SCNN1B: variants seen among roughly 807,000 people sequenced by gnomAD.
The protein encoded by SCNN1B is epithelial sodium channel subunit beta.
In SCNN1B, 46 loss-of-function variants were observed where a neutral mutation model predicts 65.3. The observed-to-expected ratio is 0.70, with a 90% CI of 0.56 to 0.90. The LOEUF (loss-of-function observed/expected upper bound fraction) is 0.90. Among genes scored for constraint, SCNN1B ranks in the 40% least tolerant of loss-of-function variants. The probability of loss-of-function intolerance (pLI) is 0.00; values close to 1 mark genes in which losing one functional copy is unlikely to be tolerated. For synonymous variants in SCNN1B, 349 were observed against 330.6 expected, an observed-to-expected ratio of 1.06 and a Z score of -0.60; for missense variants, 751 against 830.5, an observed-to-expected ratio of 0.90 and a Z score of 1.18.
At chr16:23,318,470 G>T (rs984564208) in intron 1 of SCNN1B, among the ~76,000 whole-genome samples, 1 of 152,132 alleles carries the variant, frequency 6.6e-6, no homozygotes, top group Admixed American at 6.6e-5. Context: ...TTAGCCGGAC[G>T]TGGTGGCGGA....
chr16:23,305,935 A>T (rs1961208275), intron 1 of SCNN1B, among the ~76,000 whole-genome samples: 1 of 151,976 alleles, frequency 6.6e-6, no homozygotes, highest in African/African-American at 2.4e-5. Context: ...TCTCCCAGCT[A>T]TGCAGTGGAT....
At chr16:23,341,872 C>T (rs1005912507) in intron 1 of SCNN1B, among the ~76,000 whole-genome samples, 6 of 152,178 alleles carry the variant, frequency 3.9e-5, no homozygotes, top group Admixed American at 1.3e-4. Context: ...TCTCACACAC[C>T]GGGTGAAATT....
At chr16:23,303,572 C>T (rs1448203303) in intron 1 of SCNN1B, among the ~76,000 whole-genome samples, 3 of 152,048 alleles carry the variant, frequency 2.0e-5, no homozygotes, top group Admixed American at 2.0e-4. Flanking sequence ...ACCCTTTCCC[C>T]CACCTACACA....
chr16:23,377,311 C>T lies in SCNN1B; in HGVS notation c.1347-18C>T. Reference sequence around the variant, plus strand: ...CATCACTGGCAGGGACCACAACAGGCCTGGCCTTCTCTTTCAGTGACACCC... The same window carrying T: ...CATCACTGGCAGGGACCACAACAGGTCTGGCCTTCTCTTTCAGTGACACCC... On this transcript the variant is annotated intron_variant, in intron 9 of 12. Coordinates refer to ENST00000343070, the MANE Select transcript of SCNN1B (RefSeq NM_000336.3). 6.2e-7 allele frequency: 1 copy of T among 1,614,170 alleles called. No homozygotes were observed. The highest frequency in any genetic ancestry group is 8.5e-7 in the Non-Finnish European group (1 of 1,180,016).
intron 7 of SCNN1B, among the ~76,000 whole-genome samples, chr16:23,374,480 A>G (rs1168482745): frequency 1.4e-5 from 2 of 144,658 alleles, no homozygotes; most frequent in African/African-American, 2.5e-5. Context: ...AGGCTAAGGC[A>G]GGAGAATCAC....
At chr16:23,326,673 G>A (rs1438069056) in intron 1 of SCNN1B, among the ~76,000 whole-genome samples, 1 of 151,912 alleles carries the variant, frequency 6.6e-6, no homozygotes, top group Non-Finnish European at 1.5e-5. Context: ...TCATCATGTT[G>A]GCCAGCCTGG....
At chr16:23,374,573 CAA>C (rs1168924579) in intron 7 of SCNN1B, among the ~76,000 whole-genome samples, 5,498 of 47,732 alleles carry the variant, frequency 0.12, 61 homozygotes, top group South Asian at 0.17. Flanking sequence ...GACTCCATCT[CAA>C]AAAAAAAAAA....
At chr16:23,293,114 C>CAAAAAAAAAAAAAAAAA (rs1191618996) in intron 2 of SCNN1B, among the ~76,000 whole-genome samples, 3 of 34,180 alleles carry the variant, frequency 8.8e-5, no homozygotes, top group African/African-American at 7.6e-5. Context: ...GACTCATTCT[C>CAAAAAAAAAAAAAAAAA]AAAAAAAAAA....
At chr16:23,342,734 C>T (rs908642250) in intron 1 of SCNN1B, among the ~76,000 whole-genome samples, 4 of 152,102 alleles carry the variant, frequency 2.6e-5, no homozygotes, top group African/African-American at 7.2e-5. Flanking sequence ...TCAAAGCCAT[C>T]CTGGGCTGCC....
At chr16:23,375,594 A>C in intron 7 of SCNN1B, 144 bp from the exon 8 acceptor site, 1 of 753,502 alleles carries the variant, frequency 1.3e-6, no homozygotes, top group Non-Finnish European at 2.4e-6. Flanking sequence ...ATCTCACCAC[A>C]GCTTCTCAGC....
chr16:23,371,822 A>T lies in SCNN1B; in HGVS notation c.1091A>T (p.Asn364Ile), dbSNP rs1283526589. 6.2e-7 allele frequency: 1 copy of T among 1,614,098 alleles called. No homozygotes were observed. Among genetic ancestry groups the T allele is most frequent in the Non-Finnish European group, 8.5e-7 (1 of 1,180,028 alleles). ...GAGCCCTACAGCCCGTGCACCGTGA[A>T]TGGTTCTGAGGTCCCCGTCCAAAAC... is the stretch of plus-strand genomic sequence containing the variant. ...MGEPYSPCTV[N>I]GSEVPVQNFY... The change falls in exon 7 of 13, where the codon AAT (asparagine) becomes ATT (isoleucine). Residue 364 changes from asparagine to isoleucine, a missense_variant. Asn to Ile is a moderately radical substitution (Grantham distance 149). Coordinates refer to ENST00000343070, the MANE Select transcript of SCNN1B (RefSeq NM_000336.3).
intron 5 of SCNN1B, among the ~76,000 whole-genome samples, chr16:23,369,625 G>A (rs1218951490): frequency 3.3e-5 from 5 of 152,112 alleles, no homozygotes; most frequent in Non-Finnish European, 7.4e-5. Context: ...CCACCAAGAG[G>A]CAGGCTCTCA....
chr16:23,286,970 ATGT>A lies in SCNN1B; in HGVS notation n.178+3178_178+3180del, dbSNP rs1310062221. ...TAGTTTTTTGTTGTTGTTGTTGTTG[ATGT>A]TGTTGTTGTTGCTGTTGTTGTTGTT... On this transcript the variant is annotated intron_variant and non_coding_transcript_variant, in intron 2 of 3. Coordinates refer to the SCNN1B transcript ENST00000569789. Among the ~76,000 whole-genome samples, 187 of 149,330 alleles carry A rather than the reference ATGT, an allele frequency of 1.3e-3. 1 individual carries two copies. The highest frequency in any genetic ancestry group is 4.3e-3 in the African/African-American group (173 of 40,596).
At chr16:23,324,929 G>T (rs1042915659) in intron 1 of SCNN1B, among the ~76,000 whole-genome samples, 3 of 152,264 alleles carry the variant, frequency 2.0e-5, no homozygotes, top group Admixed American at 6.5e-5. Flanking sequence ...GGGACACAAT[G>T]ACATGGCTCC....
rs1295609479 is a variant in SCNN1B at position 23,348,453 on chromosome 16, AAGGG to A, written c.-8-126_-8-123del. The A allele has an allele frequency of 2.5e-5, 16 of 640,936 alleles. No homozygotes were observed. Among genetic ancestry groups the A allele is most frequent in the Non-Finnish European group, 3.8e-5 (15 of 394,490 alleles). 39.7% of individuals were successfully genotyped at this position (640,936 alleles called of 1,614,324 possible). ...AAAGGAAGGAAGAAAAGAAGGAAAA[AAGGG>A]AGGGAGGGAGGGGGGAGGGTAAAGA... On this transcript the variant is annotated intron_variant, in intron 1 of 12. Coordinates refer to ENST00000343070, the MANE Select transcript of SCNN1B (RefSeq NM_000336.3). This position sits in a 1 kb window ranked among gnomAD's most constrained non-coding sequence, Gnocchi z 4.5.
chr16:23,371,791 A>C lies in SCNN1B; in HGVS notation c.1060A>C (p.Met354Leu). 2 of 1,614,164 alleles carry C rather than the reference A, an allele frequency of 1.2e-6. No homozygotes were observed. Among genetic ancestry groups the C allele is most frequent in the Non-Finnish European group, 1.7e-6 (2 of 1,179,968 alleles). Residue 354 changes from methionine (M) to leucine (L), a missense_variant, in exon 7 of 13, where the codon ATG becomes CTG. Transcript: ENST00000343070. Reference sequence around the variant, plus strand: ...CTAAACACAGGACAAGCTTCAGCGCATGGGGGAGCCCTACAGCCCGTGCAC... The same window carrying C: ...CTAAACACAGGACAAGCTTCAGCGCCTGGGGGAGCCCTACAGCCCGTGCAC... ...IGVLVDKLQR[M>L]GEPYSPCTVN...
chr16:23,280,099 G>T (rs578133392), intron 1 of SCNN1B, among the ~76,000 whole-genome samples: 1 of 152,206 alleles, frequency 6.6e-6, no homozygotes, highest in Non-Finnish European at 1.5e-5. Context: ...CCAACAGTTA[G>T]TAGTAACAAT....
At chr16:23,314,835 G>A (rs1021264251) in intron 1 of SCNN1B, among the ~76,000 whole-genome samples, 1 of 152,218 alleles carries the variant, frequency 6.6e-6, no homozygotes, top group African/African-American at 2.4e-5. Flanking sequence ...GCTTCCTACT[G>A]CCAGATGGCC....
chr16:23,372,215 G>T, intron 7 of SCNN1B: 1 of 411,898 alleles, frequency 2.4e-6, no homozygotes. Flanking sequence ...AATGCTGTGC[G>T]AAGGGCTGGA....
Sources: gnomAD v4.1 joint callset for allele counts (sites outside exome capture counted in the v4.1 genomes callset) on GRCh38, gnomAD v4.1.1 for gene constraint, Gnocchi (gnomAD v3.1) non-coding constraint, MANE v1.5 for transcripts, NCBI Gene and HGNC (gene_info 2026-07-23, HGNC 2026-07-21) for gene names.